Variants in RAD50 observed in about 807,000 individuals in gnomAD.
RAD50 encodes the protein RAD50 double strand break repair protein.
RAD50 carries 132 observed loss-of-function variants against 168.8 expected under a neutral mutation model. That is an observed-to-expected ratio of 0.78 (90% CI 0.68 to 0.90). The LOEUF (loss-of-function observed/expected upper bound fraction) is 0.90, where lower values mean the gene tolerates loss of function less well. RAD50 is among the 40% of genes least tolerant of loss of function. The probability of loss-of-function intolerance (pLI) is 0.00; values close to 1 mark genes in which losing one functional copy is unlikely to be tolerated. For synonymous variants in RAD50, 525 were observed against 497.4 expected, an observed-to-expected ratio of 1.06 and a Z score of -0.74; for missense variants, 1,347 against 1,534.4, an observed-to-expected ratio of 0.88 and a Z score of 2.04.
chr5:132,566,173 A>C (rs1014444771), intron 2 of RAD50, among the ~76,000 whole-genome samples: 1 of 152,192 alleles, frequency 6.6e-6, no homozygotes, highest in Non-Finnish European at 1.5e-5. Context: ...CTCTTCTTCA[A>C]TAAGAGTGTC....
chr5:132,632,278 C>T (rs972833184), intron 21 of RAD50, among the ~76,000 whole-genome samples: 4 of 152,218 alleles, frequency 2.6e-5, no homozygotes, highest in Admixed American at 1.3e-4. Flanking sequence ...GGCTTCCCCA[C>T]GCTCCATAAC....
intron 20 of RAD50, 135 bp from the exon 21 acceptor site, chr5:132,617,935 G>A (rs1485162619): frequency 1.3e-6 from 1 of 780,520 alleles, no homozygotes; most frequent in African/African-American, 1.7e-5. Flanking sequence ...TAATAAGCAA[G>A]GAGAGACTCT....
chr5:132,618,042 C>T lies in RAD50; in HGVS notation c.3165-28C>T, dbSNP rs765845332. The T allele has an allele frequency of 2.5e-6, 4 of 1,583,250 alleles. No homozygotes were observed. In the African/African-American group the frequency reaches 4.0e-5, roughly 16 times the overall value. On this transcript the variant is annotated intron_variant, in intron 20 of 24. Coordinates refer to ENST00000378823, the MANE Select transcript of RAD50 (RefSeq NM_005732.4). ...AGGTTGTTAAAAGCTAAAAAATGGT[C>T]CTCATTTGTCATTTTTCTTTTTTAC...
intron 5 of RAD50, among the ~76,000 whole-genome samples, chr5:132,586,335 G>A (rs1750594169): frequency 1.3e-5 from 2 of 152,144 alleles, no homozygotes. Context: ...TTCCTGCTTA[G>A]TATATACTTT....
intron 8 of RAD50, 63 bp from the exon 9 acceptor site, chr5:132,589,568 G>A: frequency 7.8e-7 from 1 of 1,276,590 alleles, no homozygotes; most frequent in Non-Finnish European, 1.1e-6. Context: ...TATTCCTTTT[G>A]CAATTAAAAA....
intron 2 of RAD50, among the ~76,000 whole-genome samples, chr5:132,574,588 C>T (rs537797740): frequency 3.9e-5 from 6 of 152,306 alleles, no homozygotes; most frequent in African/African-American, 1.4e-4. Flanking sequence ...CAAATTTCTG[C>T]AGCTGGCTTG....
At position 132,628,143 on chromosome 5, in the gene RAD50, G is replaced by A. The variant is rs375759245; in HGVS notation, c.3390-8972G>A. 2.0e-5 allele frequency among the ~76,000 whole-genome samples: 3 copies of A among 152,304 alleles called. No individual in the cohort carries two copies. The South Asian group carries it at 6.2e-4, about 32-fold the overall frequency. ...TGAAGTGCCTGTAGATATCTAAGCA[G>A]AGCTGTCAAGCAGGCAGTTGGATAT... On this transcript the variant is annotated intron_variant, in intron 21 of 24. Transcript: ENST00000378823.
intron 5 of RAD50, among the ~76,000 whole-genome samples, chr5:132,582,839 G>T (rs1750526508): frequency 6.6e-6 from 1 of 152,058 alleles, no homozygotes; most frequent in Non-Finnish European, 1.5e-5. Flanking sequence ...CTTTTACTAG[G>T]TGTGTACTCT....
intron 23 of RAD50, among the ~76,000 whole-genome samples, chr5:132,639,756 A>C (rs1405483356): frequency 6.6e-6 from 1 of 152,194 alleles, no homozygotes; most frequent in Non-Finnish European, 1.5e-5. Flanking sequence ...GGGGCTCTGC[A>C]TGTGAGTGGG....
chr5:132,622,351 G>T (rs537111072), intron 21 of RAD50, among the ~76,000 whole-genome samples: 3 of 152,024 alleles, frequency 2.0e-5, no homozygotes, highest in African/African-American at 7.2e-5. Flanking sequence ...TACAGATGGG[G>T]TTTTGTCATG....
intron 15 of RAD50, among the ~76,000 whole-genome samples, chr5:132,604,361 G>C (rs896505543): frequency 6.6e-6 from 1 of 151,742 alleles, no homozygotes; most frequent in Non-Finnish European, 1.5e-5. Flanking sequence ...CGCCTCCCGG[G>C]TTCAAGTGAT....
At chr5:132,595,874 G>A (rs978436796) in intron 13 of RAD50, 64 bp downstream of exon 13, 9 of 1,446,386 alleles carry the variant, frequency 6.2e-6, no homozygotes, top group Admixed American at 3.3e-5. Context: ...CCCATCTCAT[G>A]CCTGGGCAGA....
intron 21 of RAD50, among the ~76,000 whole-genome samples, chr5:132,636,156 C>T (rs148132546): frequency 1.5e-4 from 23 of 152,276 alleles, no homozygotes; most frequent in African/African-American, 5.5e-4. Context: ...GTATGATGAT[C>T]GCAGTAATGT....
chr5:132,572,973 A>G (rs1750332703), intron 2 of RAD50, among the ~76,000 whole-genome samples: 1 of 152,244 alleles, frequency 6.6e-6, no homozygotes, highest in Admixed American at 6.5e-5. Context: ...TTGGAGAACC[A>G]TTATTTTATA....
intron 6 of RAD50, 24 bp downstream of exon 6, chr5:132,587,714 C>A: frequency 6.2e-7 from 1 of 1,613,176 alleles, no homozygotes; most frequent in South Asian, 1.1e-5. Flanking sequence ...GAATTTTGTT[C>A]TGCTTCAAAA....
At position 132,613,622 on chromosome 5, in the gene RAD50, T is replaced by G. The variant is rs1234799607; in HGVS notation, c.3037-2381T>G. Among the ~76,000 whole-genome samples, 45 of 140,852 alleles carry G rather than the reference T, an allele frequency of 3.2e-4. 1 individual carries two copies. The highest frequency in any genetic ancestry group is 1.2e-4 in the Non-Finnish European group (8 of 66,692). The allele number at this position is 140,852 out of a possible 152,430, so 92.4% of individuals were successfully genotyped here. On this transcript the variant is annotated intron_variant, in intron 19 of 24. Coordinates refer to ENST00000378823, the MANE Select transcript of RAD50 (RefSeq NM_005732.4). ...TTTTTTTTTTTTTTTTTTTTTAAAT[T>G]AGATGGAGTCTTGCTCTCTCACCCA...
chr5:132,598,425 A>T (rs150211379), intron 13 of RAD50, among the ~76,000 whole-genome samples: 11 of 152,324 alleles, frequency 7.2e-5, no homozygotes, highest in Non-Finnish European at 1.5e-4. Flanking sequence ...TGCAACTTTG[A>T]TAACTATTTG....
rs190284914 is a variant in RAD50 at position 132,635,299 on chromosome 5, G to A, written c.3390-1816G>A. 1.3e-4 allele frequency among the ~76,000 whole-genome samples: 20 copies of A among 152,246 alleles called. 1 individual carries two copies. Among genetic ancestry groups the A allele is most frequent in the South Asian group, 1.0e-3 (5 of 4,826 alleles). On this transcript the variant is annotated intron_variant, in intron 21 of 24. Transcript: ENST00000378823. Reference sequence around the variant, plus strand: ...TGATTATTTAGCATAGTTTTGTCTCGCATATGGTAAATGGTCATCAATAAT... The same window carrying A: ...TGATTATTTAGCATAGTTTTGTCTCACATATGGTAAATGGTCATCAATAAT...
At chr5:132,593,094 T>G (rs1390342159) in intron 11 of RAD50, 1 of 276,580 alleles carries the variant, frequency 3.6e-6, no homozygotes. Context: ...TCATCTTTAA[T>G]ATCGTCTCAT....
Sources: gnomAD v4.1 joint callset for allele counts (sites outside exome capture counted in the v4.1 genomes callset) on GRCh38, gnomAD v4.1.1 for gene constraint, MANE v1.5 for transcripts, NCBI Gene and HGNC (gene_info 2026-07-23, HGNC 2026-07-21) for gene names.